TOLLIP: variants seen among roughly 807,000 people sequenced by gnomAD.
The protein encoded by TOLLIP is toll interacting protein, also known as toll-interacting protein.
Under a neutral mutation model 33.5 loss-of-function variants are expected in TOLLIP, and 16 were observed. That is an observed-to-expected ratio of 0.48 (90% CI 0.32 to 0.72). The LOEUF (loss-of-function observed/expected upper bound fraction) is 0.72. Among genes scored for constraint, TOLLIP ranks in the 30% least tolerant of loss-of-function variants. The pLI, the probability that TOLLIP is intolerant of heterozygous loss-of-function variation, is 0.03. For synonymous variants in TOLLIP, 176 were observed against 163.7 expected (o/e 1.07, Z -0.57); for missense variants, 325 against 396.6 (o/e 0.82, Z 1.53).
At position 1,277,346 on chromosome 11, in the gene TOLLIP, C is replaced by A. The variant is rs930962132; in HGVS notation, c.611-93G>T. 8 of 1,091,532 alleles carry A rather than the reference C, an allele frequency of 7.3e-6. No homozygotes were observed. In the African/African-American group the frequency reaches 9.5e-5, roughly 13 times the overall value. 67.6% of individuals were successfully genotyped at this position (1,091,532 alleles called of 1,614,324 possible). A position where few individuals can be genotyped will look rare whatever the true frequency, so the allele number is the denominator to read the frequency against. On this transcript the variant is annotated intron_variant, in intron 5 of 5. Transcript: ENST00000317204. The surrounding 1 kb of genome is among the most constrained non-coding windows in gnomAD (Gnocchi z 4.2). ...GAAGGAAGAAAACAACGCATCCCAC[C>A]GGCCTCCCTGAGGAAGGGGCCACCT...
intron 1 of TOLLIP, among the ~76,000 whole-genome samples, chr11:1,296,452 A>G (rs1864114449): frequency 6.6e-6 from 1 of 152,220 alleles, no homozygotes; most frequent in Non-Finnish European, 1.5e-5. Flanking sequence ...AACCACCCGC[A>G]CACCTGCAGC....
At chr11:1,300,914 T>C (rs1205798452) in intron 1 of TOLLIP, among the ~76,000 whole-genome samples, 1 of 152,232 alleles carries the variant, frequency 6.6e-6, no homozygotes, top group Non-Finnish European at 1.5e-5. Flanking sequence ...TCCCACCCCA[T>C]GACGCTGCGA....
At chr11:1,289,355 C>A (rs545175836) in intron 3 of TOLLIP, among the ~76,000 whole-genome samples, 1 of 152,340 alleles carries the variant, frequency 6.6e-6, no homozygotes, top group South Asian at 2.1e-4. Flanking sequence ...TGCTCCCCGG[C>A]CCCCACCCAG....
chr11:1,299,672 T>C (rs563351183), intron 1 of TOLLIP, among the ~76,000 whole-genome samples: 7 of 152,222 alleles, frequency 4.6e-5, no homozygotes, highest in Non-Finnish European at 8.8e-5. Flanking sequence ...TTTGCTTCCA[T>C]GTACAAGATG....
intron 1 of TOLLIP, among the ~76,000 whole-genome samples, chr11:1,304,992 A>T (rs1253288236): frequency 6.6e-6 from 1 of 152,230 alleles, no homozygotes; most frequent in Non-Finnish European, 1.5e-5. Context: ...CACGTGTCTT[A>T]AACAAAAGTT....
intron 1 of TOLLIP, among the ~76,000 whole-genome samples, chr11:1,300,741 A>G (rs529927774): frequency 7.9e-5 from 12 of 152,320 alleles, no homozygotes; most frequent in African/African-American, 2.9e-4. Context: ...TCCTGAACAC[A>G]TGCAGTCCTG....
chr11:1,299,702 T>C (rs980002371), intron 1 of TOLLIP, among the ~76,000 whole-genome samples: 7 of 152,218 alleles, frequency 4.6e-5, no homozygotes, highest in African/African-American at 1.7e-4. Context: ...AGTTCAACAC[T>C]AACAAGTCTA....
chr11:1,295,044 C>A (rs1441236790), intron 2 of TOLLIP, among the ~76,000 whole-genome samples: 2 of 128,508 alleles, frequency 1.6e-5, no homozygotes, highest in African/African-American at 5.9e-5. Flanking sequence ...CGAAAGCCTG[C>A]GTGGCTCACA....
Position 1,275,731 on chromosome 11 carries a change from A to T in TOLLIP, c.*1308T>A, listed in dbSNP as rs1021736021. The T allele has an allele frequency of 2.6e-5, 4 of 152,164 alleles. No individual in the cohort carries two copies. The highest frequency in any genetic ancestry group is 9.7e-5 in the African/African-American group (4 of 41,430). The allele number at this position is 152,164 out of a possible 1,614,324, so 9.4% of individuals were successfully genotyped here. The stretch of plus-strand genomic sequence containing the variant: ...GCAGTATTTTCTAGCTGGCACTGAA[A>T]CTTAACCTATTTTTTTGAGGGAGAA... On this transcript the variant is annotated 3_prime_UTR_variant, in exon 6 of 6. Transcript: ENST00000317204.
At chr11:1,289,847 G>A (rs1409745874) in intron 3 of TOLLIP, among the ~76,000 whole-genome samples, 1 of 147,958 alleles carries the variant, frequency 6.8e-6, no homozygotes, top group African/African-American at 2.5e-5. Context: ...CTCTGTCCCT[G>A]GAAATCCCAC....
chr11:1,283,510 A>G (rs1241210055), intron 5 of TOLLIP: 2 of 455,894 alleles, frequency 4.4e-6, no homozygotes, highest in Non-Finnish European at 8.8e-6. Flanking sequence ...CGTCAGGTGG[A>G]CGAGTCCTCA....
intron 1 of TOLLIP, among the ~76,000 whole-genome samples, chr11:1,298,836 C>A (rs1208337341): frequency 1.3e-5 from 2 of 152,190 alleles, no homozygotes; most frequent in Non-Finnish European, 2.9e-5. Context: ...TTCCCAAAAA[C>A]CCACACCCCA....
In TOLLIP at chr11:1,288,802, C is replaced by A. The variant is rs772140957; in HGVS notation, c.367-26G>T. On this transcript the variant is annotated intron_variant, in intron 3 of 5. Coordinates refer to ENST00000317204, the MANE Select transcript of TOLLIP (RefSeq NM_019009.4). ...CTGCGGGAGACAAGAGGGAGAGGCCCCAGGCATCAGGGAAGGGGCCACCCT... is the reference window on the plus strand; with the variant it reads ...CTGCGGGAGACAAGAGGGAGAGGCCACAGGCATCAGGGAAGGGGCCACCCT... 8 of 1,605,362 alleles carry A rather than the reference C, an allele frequency of 5.0e-6. No individual in the cohort carries two copies. In the South Asian group the frequency reaches 7.8e-5, roughly 16 times the overall value.
chr11:1,305,034 AG>A (rs1307816389), intron 1 of TOLLIP, among the ~76,000 whole-genome samples: 4 of 152,254 alleles, frequency 2.6e-5, no homozygotes, highest in Non-Finnish European at 5.9e-5. Context: ...AGAAGGAAAA[AG>A]TACTAGGTGA....
chr11:1,300,379 C>T (rs5743914), intron 1 of TOLLIP, among the ~76,000 whole-genome samples: 101 of 152,300 alleles, frequency 6.6e-4, no homozygotes, highest in African/African-American at 2.3e-3. Context: ...CCTTTCCACA[C>T]GAAAGAAAAG....
chr11:1,281,378 T>G (rs1420733002), intron 5 of TOLLIP, among the ~76,000 whole-genome samples: 1 of 152,166 alleles, frequency 6.6e-6, no homozygotes, highest in Non-Finnish European at 1.5e-5. Flanking sequence ...GGTTTTTCAC[T>G]GAGGAAAGTG....
chr11:1,308,626 A>C (rs1864484120), intron 1 of TOLLIP, among the ~76,000 whole-genome samples: 1 of 152,250 alleles, frequency 6.6e-6, no homozygotes, highest in East Asian at 1.9e-4. Context: ...ACTGCCAGGC[A>C]ACTCTCAGGA....
chr11:1,296,007 C>T (rs1864103700), intron 1 of TOLLIP, among the ~76,000 whole-genome samples: 1 of 152,238 alleles, frequency 6.6e-6, no homozygotes, highest in African/African-American at 2.4e-5. Flanking sequence ...GTGCAGCCCT[C>T]ACTCAGGAGA....
intron 5 of TOLLIP, among the ~76,000 whole-genome samples, chr11:1,279,750 G>A (rs1863434939): frequency 6.6e-6 from 1 of 152,214 alleles, no homozygotes; most frequent in African/African-American, 2.4e-5. Context: ...AGGATACCCA[G>A]GAAAACCAAA....
Sources: gnomAD v4.1 joint callset for allele counts (sites outside exome capture counted in the v4.1 genomes callset) on GRCh38, gnomAD v4.1.1 for gene constraint, Gnocchi (gnomAD v3.1) non-coding constraint, MANE v1.5 for transcripts, NCBI Gene and HGNC (gene_info 2026-07-23, HGNC 2026-07-21) for gene names.